DGLUCY: variants seen among roughly 807,000 people sequenced by gnomAD.
DGLUCY encodes D-glutamate cyclase, mitochondrial.
In DGLUCY, 58 loss-of-function variants were observed where a neutral mutation model predicts 58.5. The ratio of observed to expected loss-of-function variants is 0.99; its 90% CI spans 0.80 to 1.23. The LOEUF (loss-of-function observed/expected upper bound fraction) is 1.23, where lower values mean the gene tolerates loss of function less well. DGLUCY is among the 50% of genes most tolerant of loss of function. The pLI is 0.00. For missense variants in DGLUCY, 779 were observed against 784.7 expected, an observed-to-expected ratio of 0.99 and a Z score of 0.09; for synonymous variants, 325 against 314.1, an observed-to-expected ratio of 1.03 and a Z score of -0.37.
At position 91,146,491 on chromosome 14, in the gene DGLUCY, T is replaced by C. The variant is rs138336390; in HGVS notation, c.-81-11148T>C. On this transcript the variant is annotated intron_variant, in intron 1 of 13. Coordinates refer to ENST00000256324, the MANE Select transcript of DGLUCY (RefSeq NM_001102368.3). ...TCACAGTCATCCTCCACTCCCACTT[T>C]TTCCCCTTTCCCGAAAACATCTCAT... Among the ~76,000 whole-genome samples, 537 of 152,290 alleles carry C rather than the reference T, an allele frequency of 3.5e-3. 3 individuals are homozygous for C. The highest frequency in any genetic ancestry group is 6.8e-3 in the Middle Eastern group (2 of 294).
At chr14:91,165,166 C>G in intron 3 of DGLUCY, 1 of 452,648 alleles carries the variant, frequency 2.2e-6, no homozygotes, top group South Asian at 1.6e-5. Context: ...AGTATAGTTC[C>G]TTTAATGACA....
intron 1 of DGLUCY, among the ~76,000 whole-genome samples, chr14:91,081,471 A>G (rs1379260676): frequency 6.6e-6 from 1 of 152,216 alleles, no homozygotes; most frequent in Non-Finnish European, 1.5e-5. Context: ...TAGCAGGTAT[A>G]TTAGTTTCCT....
intron 1 of DGLUCY, among the ~76,000 whole-genome samples, chr14:91,082,011 C>A (rs143002627): frequency 1.3e-5 from 2 of 152,092 alleles, no homozygotes; most frequent in Non-Finnish European, 1.5e-5. Context: ...CCCAGAAAAT[C>A]GAAGATAATA....
intron 4 of DGLUCY, among the ~76,000 whole-genome samples, chr14:91,169,473 G>A (rs138605320): frequency 0.028 from 4,278 of 151,062 alleles, 74 homozygotes; most frequent in South Asian, 0.036. Flanking sequence ...GCAGTGGCAC[G>A]ATCTCGGCTC....
intron 8 of DGLUCY, 67 bp from the exon 9 acceptor site, chr14:91,188,843 A>T (rs2049689292): frequency 1.4e-6 from 2 of 1,470,780 alleles, no homozygotes. Flanking sequence ...AAATAAATAC[A>T]TACATACATA....
At chr14:91,141,843 GC>G (rs1207788014) in intron 1 of DGLUCY, among the ~76,000 whole-genome samples, 1 of 147,532 alleles carries the variant, frequency 6.8e-6, no homozygotes, top group African/African-American at 2.5e-5. Context: ...GAGTCACTGC[GC>G]CCGGCCTTTT....
At chr14:91,062,556 AAAATATATAT>A (rs1389749620) in intron 1 of DGLUCY, among the ~76,000 whole-genome samples, 5 of 30,592 alleles carry the variant, frequency 1.6e-4, no homozygotes, top group Middle Eastern at 0.016. Context: ...TAAAAAAAAA[AAAATATATAT>A]ATATATATAT....
chr14:91,150,864 A>G (rs886738498), intron 1 of DGLUCY, among the ~76,000 whole-genome samples: 1 of 152,240 alleles, frequency 6.6e-6, no homozygotes, highest in Non-Finnish European at 1.5e-5. Flanking sequence ...CATTAAGTAC[A>G]TTCACATTGT....
chr14:91,065,902 C>T (rs11159990), intron 1 of DGLUCY, among the ~76,000 whole-genome samples: 43,574 of 151,852 alleles, frequency 0.29, 6,345 homozygotes, highest in Middle Eastern at 0.32. Flanking sequence ...CTGGAGGATG[C>T]AGCAGCTGGA....
At position 91,176,035 on chromosome 14, in the gene DGLUCY, C is replaced by G. The variant is rs777154309; in HGVS notation, c.709C>G (p.Leu237Val). The G allele has an allele frequency of 2.5e-6, 4 of 1,613,894 alleles. No homozygotes were observed. Among genetic ancestry groups the G allele is most frequent in the Non-Finnish European group, 3.4e-6 (4 of 1,179,900 alleles). Residue 237 changes from leucine (L) to valine (V), a missense_variant, in exon 7 of 14, where the codon CTC becomes GTC. By Grantham distance (32) the Leu-to-Val change is conservative. Coordinates refer to ENST00000256324, the MANE Select transcript of DGLUCY (RefSeq NM_001102368.3). ...GTTCTGGCCTTCTCCGCTGACCAGT[C>G]TCGGAGCTGTCAGCAGCTGTGGTAC... ...PVFWPSPLTS[L>V]GAVSSCETPL...
At chr14:91,198,091 A>G (rs1437115547) in intron 10 of DGLUCY, among the ~76,000 whole-genome samples, 3 of 152,166 alleles carry the variant, frequency 2.0e-5, no homozygotes, top group Non-Finnish European at 4.4e-5. Flanking sequence ...CGCCCAGTCT[A>G]TAGTGCAGTG....
intron 1 of DGLUCY, among the ~76,000 whole-genome samples, chr14:91,083,036 G>A (rs1043419366): frequency 6.6e-6 from 1 of 152,162 alleles, no homozygotes; most frequent in African/African-American, 2.4e-5. Context: ...GAGGTTACAG[G>A]TATAAGCCAT....
chr14:91,068,075 GCACGCA>G (rs1039047083), intron 1 of DGLUCY, among the ~76,000 whole-genome samples: 7 of 45,996 alleles, frequency 1.5e-4, no homozygotes, highest in Non-Finnish European at 2.4e-4. Context: ...ACACACACGC[GCACGCA>G]CACACACACA....
At chr14:91,163,479 C>T (rs147728604) in intron 3 of DGLUCY, among the ~76,000 whole-genome samples, 1 of 152,282 alleles carries the variant, frequency 6.6e-6, no homozygotes, top group African/African-American at 2.4e-5. Context: ...GGAAAGTCTG[C>T]TTGTAGCATT....
chr14:91,155,025 C>T (rs1198811081), intron 1 of DGLUCY, among the ~76,000 whole-genome samples: 1 of 152,220 alleles, frequency 6.6e-6, no homozygotes, highest in Non-Finnish European at 1.5e-5. Flanking sequence ...TCTCCCTCCC[C>T]AGCCTGCTTC....
intron 1 of DGLUCY, among the ~76,000 whole-genome samples, chr14:91,151,854 C>T (rs987586498): frequency 1.3e-5 from 2 of 150,990 alleles, no homozygotes; most frequent in African/African-American, 2.4e-5. Flanking sequence ...GGGGTTTTGC[C>T]ATGTTGGCCA....
At position 91,181,097 on chromosome 14, in the gene DGLUCY, G is replaced by A. The variant is rs925185470; in HGVS notation, c.731-89G>A. On this transcript the variant is annotated intron_variant, in intron 7 of 13. Coordinates refer to ENST00000256324, the MANE Select transcript of DGLUCY (RefSeq NM_001102368.3). ...GCTTAGGCTGAGTTGATGGCCAGGT[G>A]CCATCTTGCCTATCAACAGTGGGCT... 3.2e-6 allele frequency: 4 copies of A among 1,255,106 alleles called. No homozygotes were observed. In the African/African-American group the frequency reaches 4.4e-5, roughly 14 times the overall value. The allele number at this position is 1,255,106 out of a possible 1,614,324, so 77.7% of individuals were successfully genotyped here.
chr14:91,206,851 TTAATA>T (rs1354684544), intron 12 of DGLUCY, among the ~76,000 whole-genome samples: 1 of 152,006 alleles, frequency 6.6e-6, no homozygotes, highest in African/African-American at 2.4e-5. Flanking sequence ...AAAAGTATGA[TTAATA>T]TAATAAAGTC....
intron 1 of DGLUCY, among the ~76,000 whole-genome samples, chr14:91,087,628 C>T (rs1048561200): frequency 8.5e-5 from 13 of 152,202 alleles, no homozygotes; most frequent in African/African-American, 2.9e-4. Context: ...TTACTTCCTC[C>T]TTCCTTTGTT....
Sources: gnomAD v4.1 joint callset for allele counts (sites outside exome capture counted in the v4.1 genomes callset) on GRCh38, gnomAD v4.1.1 for gene constraint, MANE v1.5 for transcripts, NCBI Gene and HGNC (gene_info 2026-07-23, HGNC 2026-07-21) for gene names.